The following TRIT1 variants were observed in gnomAD, a reference collection of about 807,000 sequenced individuals.
The protein encoded by TRIT1 is tRNA isopentenyltransferase 1.
Under a neutral mutation model 51.2 loss-of-function variants are expected in TRIT1, and 43 were observed. That is an observed-to-expected ratio of 0.84 (90% CI 0.66 to 1.08). The LOEUF is 1.08. TRIT1 is among the 50% of genes least tolerant of loss of function. The probability of loss-of-function intolerance (pLI) is 0.00; values close to 1 mark genes in which losing one functional copy is unlikely to be tolerated. For missense variants in TRIT1, 528 were observed against 578.4 expected, an observed-to-expected ratio of 0.91 and a Z score of 0.89; for synonymous variants, 184 against 203.9, an observed-to-expected ratio of 0.90 and a Z score of 0.83.
In TRIT1 at chr1:39,883,464, C is replaced by G; in HGVS notation, c.28G>C (p.Val10Leu). 1.9e-6 allele frequency: 3 copies of G among 1,597,878 alleles called. No homozygotes were observed. The highest frequency in any genetic ancestry group is 2.6e-6 in the Non-Finnish European group (3 of 1,167,200). The change falls in exon 1 of 11, where the codon GTT (valine) becomes CTT (leucine). Residue 10 changes from valine to leucine, a missense_variant. Physicochemically the swap from Val to Leu is conservative, Grantham distance 32. Around this residue, in one of 3 missense-constraint regions of TRIT1, gnomAD observed 55 missense variants for 37.0 expected, o/e 1.49. Transcript: ENST00000316891. ...CCCCTGAGCCCACTGCCCACGGGAA[C>G]TGCTCGTGCAGCCGCCACGGACGCC... MASVAAARA[V>L]PVGSGLRGLQ...
chr1:39,882,134 G>A (rs1644285010), intron 1 of TRIT1, among the ~76,000 whole-genome samples: 1 of 152,218 alleles, frequency 6.6e-6, no homozygotes, highest in African/African-American at 2.4e-5. Context: ...GCATGAAGAG[G>A]TTAGGCTATA....
Position 39,839,264 on chromosome 1 carries a change from C to A in TRIT1, c.*2480G>T, listed in dbSNP as rs1310676429. ...TGGCATTCCTCATTCTCACTCCAGG[C>A]TGAGCAAATAGCCCAAAGCTCTATG... On this transcript the variant is annotated 3_prime_UTR_variant, in exon 11 of 11. Coordinates refer to ENST00000316891, the MANE Select transcript of TRIT1 (RefSeq NM_017646.6). Among the ~76,000 whole-genome samples the A allele has an allele frequency of 2.0e-5, 3 of 152,174 alleles. No homozygotes were observed. Among genetic ancestry groups the A allele is most frequent in the Admixed American group, 6.5e-5 (1 of 15,288 alleles).
At chr1:39,863,615 T>C (rs1643369519) in intron 1 of TRIT1, among the ~76,000 whole-genome samples, 1 of 151,910 alleles carries the variant, frequency 6.6e-6, no homozygotes, top group South Asian at 2.1e-4. Context: ...TTGTTGCACC[T>C]CTATTGATGG....
intron 4 of TRIT1, among the ~76,000 whole-genome samples, chr1:39,851,925 C>A (rs573891557): frequency 3.8e-4 from 52 of 138,360 alleles, no homozygotes; most frequent in Non-Finnish European, 6.2e-4. Context: ...CCAGCCTGGG[C>A]AACAAAGTAA....
In TRIT1 at chr1:39,839,165, G is replaced by C. The variant is rs1055413442; in HGVS notation, c.*2579C>G. Among the ~76,000 whole-genome samples, 1 of 152,146 alleles carries C rather than the reference G, an allele frequency of 6.6e-6. No homozygotes were observed. The highest frequency in any genetic ancestry group is 1.5e-5 in the Non-Finnish European group (1 of 68,028). On this transcript the variant is annotated 3_prime_UTR_variant, in exon 11 of 11. Transcript: ENST00000316891. ...ATTTAGATAGCACTGCTGGTGTGAT[G>C]GACTGGAGGCTCTGGATACCTGGAC...
intron 3 of TRIT1, 97 bp downstream of exon 3, chr1:39,853,873 T>G (rs1205902469): frequency 1.2e-6 from 1 of 804,996 alleles, no homozygotes; most frequent in Non-Finnish European, 2.0e-6. Flanking sequence ...TTGCTGGGTA[T>G]AAGAAATAGG....
At chr1:39,873,656 T>G (rs2124675983) in intron 1 of TRIT1, among the ~76,000 whole-genome samples, 1 of 152,166 alleles carries the variant, frequency 6.6e-6, no homozygotes, top group East Asian at 1.9e-4. Context: ...ATGTAAGATA[T>G]TAATATTAGG....
chr1:39,846,828 T>C (rs1028280560), intron 8 of TRIT1, among the ~76,000 whole-genome samples: 2 of 152,206 alleles, frequency 1.3e-5, no homozygotes, highest in Non-Finnish European at 2.9e-5. Context: ...GGTGTCTTTT[T>C]ATACAACTCA....
At position 39,859,553 on chromosome 1, in the gene TRIT1, A is replaced by G. The variant is rs377287731; in HGVS notation, c.175-2136T>C. Reference sequence around the variant, plus strand: ...AGCCGAGATCATACCACTGCACTCCAGCCTGGGCAATAGAGCCAGACTTTG... The same window carrying G: ...AGCCGAGATCATACCACTGCACTCCGGCCTGGGCAATAGAGCCAGACTTTG... On this transcript the variant is annotated intron_variant, in intron 1 of 10. Transcript: ENST00000316891. Among the ~76,000 whole-genome samples, 17 of 151,824 alleles carry G rather than the reference A, an allele frequency of 1.1e-4. No homozygotes were observed. In the East Asian group the frequency reaches 1.4e-3, roughly 12 times the overall value.
At chr1:39,851,151 AAAG>A (rs1311416861) in intron 4 of TRIT1, among the ~76,000 whole-genome samples, 2 of 152,198 alleles carry the variant, frequency 1.3e-5, no homozygotes, top group Non-Finnish European at 2.9e-5. Context: ...CTGGTTTCTC[AAAG>A]AAGATCTATG....
chr1:39,844,064 C>A (rs747600672), intron 10 of TRIT1, 37 bp downstream of exon 10: 7 of 1,463,970 alleles, frequency 4.8e-6, no homozygotes, highest in Non-Finnish European at 4.8e-6. Context: ...GTGAACCCAC[C>A]CTTATAGATT....
In TRIT1 at chr1:39,838,822, T is replaced by C. The variant is rs1652470998; in HGVS notation, c.*2922A>G. 1.3e-5 allele frequency among the ~76,000 whole-genome samples: 2 copies of C among 152,158 alleles called. No individual in the cohort carries two copies. Among genetic ancestry groups the C allele is most frequent in the Admixed American group, 1.3e-4 (2 of 15,278 alleles). ...GGACTGTTATTTTTTAATGTTATAC[T>C]GGGTGTTTTGTTTTGTTTTAAGCAA... On this transcript the variant is annotated 3_prime_UTR_variant, in exon 11 of 11. Transcript: ENST00000316891.
chr1:39,861,884 A>G (rs1453207991), intron 1 of TRIT1, among the ~76,000 whole-genome samples: 1 of 151,082 alleles, frequency 6.6e-6, no homozygotes, highest in Non-Finnish European at 1.5e-5. Context: ...AGATCGCACC[A>G]CTGCGCTCCA....
At chr1:39,847,087 T>C (rs1642266696) in intron 8 of TRIT1, 133 bp downstream of exon 8, 9 of 657,246 alleles carry the variant, frequency 1.4e-5, no homozygotes, top group South Asian at 9.0e-5. Flanking sequence ...ATTTATGTTA[T>C]AGAACTTCCC....
rs536005712 is a variant in TRIT1 at position 39,873,213 on chromosome 1, C to T, written c.174+10105G>A. 6.6e-5 allele frequency among the ~76,000 whole-genome samples: 10 copies of T among 152,192 alleles called. No individual in the cohort carries two copies. In the South Asian group the frequency reaches 2.1e-3, roughly 32 times the overall value. ...AATCGTGACTTTTTCAGTGGAGAAA[C>T]GTGTATACAATCTCAACCAAATGAT... On this transcript the variant is annotated intron_variant, in intron 1 of 10. Transcript: ENST00000316891.
In TRIT1 at chr1:39,857,356, C is replaced by G. The variant is rs35273801; in HGVS notation, c.236G>C (p.Arg79Pro). The change falls in exon 2 of 11, where the codon CGG (arginine) becomes CCG (proline). Residue 79 changes from arginine (R) to proline (P), a missense_variant. Coordinates refer to ENST00000316891, the MANE Select transcript of TRIT1 (RefSeq NM_017646.6). ...KVSAQEQRIC[R>P]HHMISFVDPL... ...ATCCACAAAGCTGATCATGTGGTGC[C>G]GGCAGATTCTCTGCTCTTGGGCAGA... 702 of 1,614,012 alleles carry G rather than the reference C, an allele frequency of 4.3e-4. 1 individual carries two copies. The highest frequency in any genetic ancestry group is 5.2e-4 in the Non-Finnish European group (619 of 1,180,014).
chr1:39,872,780 C>CACACACACACACAG (rs796230029), intron 1 of TRIT1, among the ~76,000 whole-genome samples: 5 of 106,130 alleles, frequency 4.7e-5, no homozygotes, highest in South Asian at 3.4e-4. Flanking sequence ...CACACACACA[C>CACACACACACACAG]AGAGAGAGAG....
In TRIT1 at chr1:39,861,059, G is replaced by A. The variant is rs533199243; in HGVS notation, c.175-3642C>T. Among the ~76,000 whole-genome samples the A allele has an allele frequency of 8.7e-4, 132 of 152,192 alleles. 1 individual carries two copies. The highest frequency in any genetic ancestry group is 3.5e-3 in the South Asian group (17 of 4,816). ...GCCACTGCACTCTAGCCTGGGCGAC[G>A]GAGCAAGACTCTGTCTCAAAAAAGA... On this transcript the variant is annotated intron_variant, in intron 1 of 10. Transcript: ENST00000316891.
intron 1 of TRIT1, among the ~76,000 whole-genome samples, chr1:39,860,442 G>A (rs1158848292): frequency 6.6e-6 from 1 of 152,176 alleles, no homozygotes; most frequent in Non-Finnish European, 1.5e-5. Flanking sequence ...AACGCTCACT[G>A]GAGTATTTTG....
Sources: allele counts gnomAD v4.1 joint callset (sites outside exome capture counted in the v4.1 genomes callset), GRCh38; gene constraint gnomAD v4.1.1; regional missense constraint gnomAD v4.1.1; transcripts MANE v1.5; gene names NCBI Gene and HGNC (gene_info 2026-07-23, HGNC 2026-07-21).